PCDHA3: variants seen among roughly 807,000 people sequenced by gnomAD.
The protein encoded by PCDHA3 is protocadherin alpha 3.
Under a neutral mutation model 62.2 loss-of-function variants are expected in PCDHA3, and 41 were observed. That is an observed-to-expected ratio of 0.66 (90% CI 0.51 to 0.86). The LOEUF is 0.86. Ranked by LOEUF, PCDHA3 falls within the 40% of genes least tolerant of loss-of-function variation. PCDHA3 has a pLI of 0.00. For missense variants in PCDHA3, 1,304 were observed against 1,241.2 expected (o/e 1.05, Z -0.76); for synonymous variants, 640 against 555.4 (o/e 1.15, Z -2.14).
intron 1 of PCDHA3, among the ~76,000 whole-genome samples, chr5:140,838,271 G>A (rs1439156541): frequency 7.8e-6 from 1 of 127,938 alleles, no homozygotes; most frequent in Non-Finnish European, 1.6e-5. Context: ...CAACAACCAA[G>A]CCATGCTAAT....
chr5:140,977,630 C>T (rs2096769145), intron 1 of PCDHA3, among the ~76,000 whole-genome samples: 1 of 152,148 alleles, frequency 6.6e-6, no homozygotes, highest in African/African-American at 2.4e-5. Flanking sequence ...AGAGTTGTAA[C>T]TTTTTCTGGG....
chr5:140,914,022 C>T (rs1157309436), intron 1 of PCDHA3, among the ~76,000 whole-genome samples: 2 of 152,134 alleles, frequency 1.3e-5, no homozygotes, highest in African/African-American at 2.4e-5. Context: ...GAATGATCCA[C>T]GTGCTGAGAA....
intron 1 of PCDHA3, among the ~76,000 whole-genome samples, chr5:140,889,020 TG>T (rs1554183734): frequency 1.3e-5 from 2 of 152,126 alleles, no homozygotes; most frequent in Non-Finnish European, 2.9e-5. Context: ...TCTACTTCCT[TG>T]GATAACCGTA....
rs371960819 is a variant in PCDHA3, at chr5:140,928,197, T to C, written c.2395-50752T>C. The C allele has an allele frequency of 1.9e-5, 30 of 1,614,192 alleles. 1 individual carries two copies. In the African/African-American group the frequency reaches 2.0e-4, roughly 11 times the overall value. On this transcript the variant is annotated intron_variant, in intron 1 of 3. Coordinates refer to ENST00000522353, the MANE Select transcript of PCDHA3 (RefSeq NM_018906.3). Reference sequence around the variant, plus strand: ...CCCGAAGGACAATCACTGTGTCAGTTGCTGATGTGAATGACAATACACCAA... The same window carrying C: ...CCCGAAGGACAATCACTGTGTCAGTCGCTGATGTGAATGACAATACACCAA...
chr5:140,917,256 T>C (rs1043140553), intron 1 of PCDHA3, among the ~76,000 whole-genome samples: 6 of 151,524 alleles, frequency 4.0e-5, no homozygotes, highest in African/African-American at 7.3e-5. Context: ...ATTGCTCACC[T>C]GATGTTTGGT....
intron 3 of PCDHA3, chr5:140,988,770 G>A (rs1388594585): frequency 6.6e-6 from 1 of 152,168 alleles, no homozygotes; most frequent in African/African-American, 2.4e-5. Flanking sequence ...TACAGTCATG[G>A]TTAAGACCAT....
At chr5:140,807,124 T>C in intron 1 of PCDHA3, 1 of 1,547,934 alleles carries the variant, frequency 6.5e-7, no homozygotes, top group Non-Finnish European at 8.8e-7. Context: ...GACTGACCGA[T>C]TAAAAGATTT....
chr5:140,889,856 G>GT (rs1471217688), intron 1 of PCDHA3, among the ~76,000 whole-genome samples: 17 of 152,122 alleles, frequency 1.1e-4, no homozygotes, highest in African/African-American at 4.1e-4. Context: ...GAGAATATTT[G>GT]TTTTGGGGGA....
intron 1 of PCDHA3, among the ~76,000 whole-genome samples, chr5:140,953,965 G>A (rs1554221174): frequency 6.6e-6 from 1 of 152,024 alleles, no homozygotes; most frequent in Non-Finnish European, 1.5e-5. Flanking sequence ...GCCCCAGTGT[G>A]TGTTGTTCCC....
chr5:140,848,337 CAA>C, intron 1 of PCDHA3: 2 of 873,308 alleles, frequency 2.3e-6, no homozygotes, highest in Non-Finnish European at 3.6e-6. Flanking sequence ...TGAATCCAGA[CAA>C]ATACAGCCCT....
chr5:140,809,198 G>T, intron 1 of PCDHA3: 1 of 1,614,074 alleles, frequency 6.2e-7, no homozygotes, highest in Non-Finnish European at 8.5e-7. Flanking sequence ...GTCACTTGTG[G>T]AGAGTGGACA....
At chr5:140,906,589 C>T (rs2072764004) in intron 1 of PCDHA3, among the ~76,000 whole-genome samples, 1 of 152,220 alleles carries the variant, frequency 6.6e-6, no homozygotes, top group South Asian at 2.1e-4. Context: ...TGACTACCTT[C>T]CTCTACTACT....
At position 140,802,217 on chromosome 5, in the gene PCDHA3, T is replaced by A. The variant is rs1554121954; in HGVS notation, c.1020T>A (p.Ile340=). 2 of 1,614,160 alleles carry A rather than the reference T, an allele frequency of 1.2e-6. No homozygotes were observed. Among genetic ancestry groups the A allele is most frequent in the South Asian group, 2.2e-5 (2 of 91,086 alleles). ...MSDHCTVLLE[I]VDINDNVPEL... ...ATCACTGCACAGTTCTACTCGAAAT[T>A]GTGGACATCAATGATAATGTACCTG... The change falls in exon 1 of 4, where the codon ATT becomes ATA. Residue 340 remains isoleucine (I), a synonymous_variant. Transcript: ENST00000522353.
intron 3 of PCDHA3, among the ~76,000 whole-genome samples, chr5:141,001,681 A>G (rs2153971146): frequency 6.6e-6 from 1 of 151,672 alleles, no homozygotes; most frequent in East Asian, 2.0e-4. Context: ...GGTCCAACAA[A>G]CCCCACAGAT....
chr5:140,837,156 A>G (rs1554136407), intron 1 of PCDHA3: 1 of 153,056 alleles, frequency 6.5e-6, no homozygotes, highest in Non-Finnish European at 1.5e-5. Context: ...TTTATAAAAT[A>G]TAGCTGTGTC....
intron 1 of PCDHA3, among the ~76,000 whole-genome samples, chr5:140,875,118 A>T (rs1381092384): frequency 6.6e-6 from 1 of 152,224 alleles, no homozygotes; most frequent in African/African-American, 2.4e-5. Context: ...TATCATGTAT[A>T]TTAACTAAAC....
intron 1 of PCDHA3, among the ~76,000 whole-genome samples, chr5:140,896,047 G>T (rs1369678792): frequency 6.6e-6 from 1 of 152,138 alleles, no homozygotes; most frequent in Non-Finnish European, 1.5e-5. Context: ...CTGACCTCAG[G>T]TGATCCGCCT....
intron 3 of PCDHA3, among the ~76,000 whole-genome samples, chr5:140,991,251 A>G (rs2097441392): frequency 6.6e-6 from 1 of 152,306 alleles, no homozygotes; most frequent in South Asian, 2.1e-4. Context: ...GCAGTATTTG[A>G]ACTCATGTCT....
At chr5:140,886,507 G>A (rs2061007189) in intron 1 of PCDHA3, among the ~76,000 whole-genome samples, 1 of 151,788 alleles carries the variant, frequency 6.6e-6, no homozygotes, top group South Asian at 2.1e-4. Context: ...TCCTTTTATG[G>A]ATTTTAAGGT....
Sources: gnomAD v4.1 joint callset for allele counts (sites outside exome capture counted in the v4.1 genomes callset) on GRCh38, gnomAD v4.1.1 for gene constraint, MANE v1.5 for transcripts, NCBI Gene and HGNC (gene_info 2026-07-23, HGNC 2026-07-21) for gene names.